ENTREP2: variants seen among roughly 807,000 people sequenced by gnomAD.
The protein encoded by ENTREP2 is endosomal transmembrane epsin interactor 2.
At chr15:29,196,559 C>G in the ENTREP2 span, 1 of 1,550,842 alleles carries the variant, frequency 6.4e-7, no homozygotes, top group African/African-American at 1.4e-5. Context: ...CACTGTCAAA[C>G]TTAATCTAGA....
chr15:29,538,442 G>T, the ENTREP2 span, among the ~76,000 whole-genome samples: 1 of 151,896 alleles, frequency 6.6e-6, no homozygotes, highest in East Asian at 1.9e-4. Flanking sequence ...AGGAAGTGAG[G>T]GCATGAAGAG....
chr15:29,124,595 G>C, the ENTREP2 span: 1 of 1,090,524 alleles, frequency 9.2e-7, no homozygotes, highest in Admixed American at 2.2e-5. Flanking sequence ...GTGAGGAGCT[G>C]CATTTGGAAA....
chr15:29,435,709 ATGTG>A, the ENTREP2 span, among the ~76,000 whole-genome samples: 1 of 150,688 alleles, frequency 6.6e-6, no homozygotes, highest in Non-Finnish European at 1.5e-5. Flanking sequence ...TATATACAAT[ATGTG>A]TGTGTGTGTG....
chr15:29,119,868 C>A, the ENTREP2 span, among the ~76,000 whole-genome samples: 117 of 152,312 alleles, frequency 7.7e-4, no homozygotes, highest in African/African-American at 2.6e-3. Flanking sequence ...GGCGGGGAAG[C>A]AGGTCCCGGG....
the ENTREP2 span, among the ~76,000 whole-genome samples, chr15:29,551,829 C>G: frequency 6.6e-6 from 1 of 152,080 alleles, no homozygotes; most frequent in African/African-American, 2.4e-5. Context: ...AGCAAGTAAA[C>G]AAAACCCTGA....
chr15:29,192,221 T>A, the ENTREP2 span, among the ~76,000 whole-genome samples: 2 of 152,186 alleles, frequency 1.3e-5, no homozygotes, highest in Admixed American at 1.3e-4. Flanking sequence ...GACCATCACA[T>A]ACCTAAAGGG....
At chr15:29,160,150 C>T in the ENTREP2 span, among the ~76,000 whole-genome samples, 1 of 152,340 alleles carries the variant, frequency 6.6e-6, no homozygotes, top group East Asian at 1.9e-4. Context: ...CTCCAGCAGG[C>T]AGGGCCAGCT....
At chr15:29,590,408 C>A in the ENTREP2 span, among the ~76,000 whole-genome samples, 1 of 152,106 alleles carries the variant, frequency 6.6e-6, no homozygotes, top group African/African-American at 2.4e-5. Context: ...CAAGGCCAGG[C>A]GCGGTGGCTC....
the ENTREP2 span, among the ~76,000 whole-genome samples, chr15:29,148,201 G>A: frequency 6.6e-6 from 1 of 152,186 alleles, no homozygotes; most frequent in Non-Finnish European, 1.5e-5. Flanking sequence ...TAATAAAAAT[G>A]TTCTAAAATG....
chr15:29,555,662 G>A, the ENTREP2 span, among the ~76,000 whole-genome samples: 1 of 152,158 alleles, frequency 6.6e-6, no homozygotes, highest in East Asian at 1.9e-4. Context: ...CCCCACCTGC[G>A]CCAGGCAGGC....
the ENTREP2 span, among the ~76,000 whole-genome samples, chr15:29,611,996 T>C: frequency 6.6e-6 from 1 of 152,226 alleles, no homozygotes; most frequent in East Asian, 1.9e-4. Flanking sequence ...ATTCCCAAAA[T>C]ATGTGTAAAA....
chr15:29,623,710 G>C, the ENTREP2 span, among the ~76,000 whole-genome samples: 2 of 152,114 alleles, frequency 1.3e-5, no homozygotes, highest in African/African-American at 2.4e-5. Context: ...GAGGCAATCA[G>C]ATAATAGGAG....
At chr15:29,426,183 G>C in the ENTREP2 span, among the ~76,000 whole-genome samples, 1 of 152,094 alleles carries the variant, frequency 6.6e-6, no homozygotes, top group Non-Finnish European at 1.5e-5. Context: ...GAAATTTGGA[G>C]TCCACTGTAT....
chr15:29,266,706 G>A, the ENTREP2 span: 1 of 152,156 alleles, frequency 6.6e-6, no homozygotes, highest in African/African-American at 2.4e-5. Context: ...TATTGGTTAT[G>A]TATATATACA....
At chr15:29,253,319 CA>C in the ENTREP2 span, among the ~76,000 whole-genome samples, 1 of 152,194 alleles carries the variant, frequency 6.6e-6, no homozygotes, top group Non-Finnish European at 1.5e-5. Context: ...GAGTTTCTTA[CA>C]GTCTAAACTT....
chr15:29,214,719 G>C, the ENTREP2 span, among the ~76,000 whole-genome samples: 9 of 151,672 alleles, frequency 5.9e-5, no homozygotes, highest in Non-Finnish European at 1.2e-4. Context: ...AAAAAAAGGA[G>C]CAAGTTATTT....
chr15:29,170,526 C>G, the ENTREP2 span, among the ~76,000 whole-genome samples: 1 of 152,080 alleles, frequency 6.6e-6, no homozygotes, highest in Non-Finnish European at 1.5e-5. Context: ...TACATTAATT[C>G]TTTCCAAATC....
At chr15:29,489,764 G>A in the ENTREP2 span, among the ~76,000 whole-genome samples, 11 of 152,190 alleles carry the variant, frequency 7.2e-5, no homozygotes, top group East Asian at 7.7e-4. Context: ...GCCTGATGCC[G>A]TCCACAAAGC....
the ENTREP2 span, among the ~76,000 whole-genome samples, chr15:29,134,562 G>A: frequency 6.6e-6 from 1 of 152,190 alleles, no homozygotes. Flanking sequence ...CCAGGTGCGG[G>A]GCACCTTACA....
Sources: gnomAD v4.1 joint callset for allele counts (sites outside exome capture counted in the v4.1 genomes callset) on GRCh38, gnomAD v4.1.1 for gene constraint, MANE v1.5 for transcripts, NCBI Gene and HGNC (gene_info 2026-07-23, HGNC 2026-07-21) for gene names.